HTR1F: variants seen among roughly 807,000 people sequenced by gnomAD.
HTR1F encodes 5-hydroxytryptamine (serotonin) receptor 1F, G protein-coupled.
A neutral mutation model predicts 24.0 loss-of-function variants in HTR1F; 17 were observed. The observed-to-expected ratio is 0.71, with a 90% CI of 0.48 to 1.06. HTR1F has a LOEUF of 1.06. Ranked by LOEUF, HTR1F falls within the 50% of genes least tolerant of loss-of-function variation. The pLI is 0.00. For synonymous variants in HTR1F, 186 were observed against 156.8 expected, an observed-to-expected ratio of 1.19 and a Z score of -1.39; for missense variants, 391 against 427.8, an observed-to-expected ratio of 0.91 and a Z score of 0.76.
At chr3:87,843,515 T>TC in intron 2 of HTR1F, among the ~76,000 whole-genome samples, 1 of 150,816 alleles carries the variant, frequency 6.6e-6, no homozygotes, top group African/African-American at 2.4e-5. Context: ...CTTTTTCTTT[T>TC]TTTTTTTTTA....
chr3:87,875,725 C>T (rs373300197), intron 2 of HTR1F, among the ~76,000 whole-genome samples: 25 of 151,818 alleles, frequency 1.6e-4, no homozygotes, highest in African/African-American at 5.6e-4. Context: ...GAGATTGAGA[C>T]CATCCTGGCT....
At chr3:87,857,679 T>G (rs1705225439) in intron 2 of HTR1F, among the ~76,000 whole-genome samples, 1 of 152,044 alleles carries the variant, frequency 6.6e-6, no homozygotes, top group Non-Finnish European at 1.5e-5. Context: ...CCTCCCCCAT[T>G]AGCAACATTC....
intron 2 of HTR1F, among the ~76,000 whole-genome samples, chr3:87,859,837 G>C (rs887936467): frequency 6.6e-6 from 1 of 152,170 alleles, no homozygotes. Context: ...CAGGTTGCAA[G>C]TCTAGTCCTC....
chr3:87,890,182 G>A (rs1223948677), intron 2 of HTR1F, among the ~76,000 whole-genome samples: 3 of 152,190 alleles, frequency 2.0e-5, no homozygotes, highest in Non-Finnish European at 4.4e-5. Context: ...TGAAGGGTTT[G>A]CTCTTTGTGT....
At chr3:87,918,630 C>T (rs1188683978) in intron 2 of HTR1F, among the ~76,000 whole-genome samples, 1 of 151,618 alleles carries the variant, frequency 6.6e-6, no homozygotes, top group African/African-American at 2.4e-5. Flanking sequence ...ACAATAGCTG[C>T]AAAAAACATA....
chr3:87,879,413 T>C (rs895426739), intron 2 of HTR1F, among the ~76,000 whole-genome samples: 9 of 152,198 alleles, frequency 5.9e-5, no homozygotes, highest in Admixed American at 2.0e-4. Flanking sequence ...TATTAACCCA[T>C]TACCCTCCAT....
intron 1 of HTR1F, among the ~76,000 whole-genome samples, chr3:87,800,815 A>G (rs1192816027): frequency 6.6e-6 from 1 of 152,190 alleles, no homozygotes; most frequent in Non-Finnish European, 1.5e-5. Flanking sequence ...GTTCATTGGT[A>G]CTCTGTCTAT....
intron 2 of HTR1F, among the ~76,000 whole-genome samples, chr3:87,861,642 GT>G (rs1705320699): frequency 6.6e-6 from 1 of 152,204 alleles, no homozygotes; most frequent in African/African-American, 2.4e-5. Flanking sequence ...TCTTGCTGAA[GT>G]TTGAGGCCTT....
chr3:87,912,614 T>G (rs949625370), intron 2 of HTR1F, among the ~76,000 whole-genome samples: 10 of 83,606 alleles, frequency 1.2e-4, no homozygotes, highest in African/African-American at 3.8e-4. Context: ...AAAGTCTGAA[T>G]AGCCCAGGCA....
intron 1 of HTR1F, among the ~76,000 whole-genome samples, chr3:87,820,246 G>C (rs1468145538): frequency 2.8e-5 from 4 of 144,740 alleles, no homozygotes; most frequent in Non-Finnish European, 4.5e-5. Flanking sequence ...GCAGGATCTC[G>C]GCTCACTGCA....
chr3:87,824,788 A>G (rs1704429760), intron 2 of HTR1F, among the ~76,000 whole-genome samples: 2 of 152,244 alleles, frequency 1.3e-5, no homozygotes, highest in South Asian at 4.1e-4. Flanking sequence ...CAAAGAGTCA[A>G]AAATTACCAA....
intron 1 of HTR1F, among the ~76,000 whole-genome samples, chr3:87,820,348 T>C (rs940899185): frequency 2.0e-5 from 3 of 151,616 alleles, no homozygotes; most frequent in Non-Finnish European, 2.9e-5. Context: ...GGCTAATTTT[T>C]TGTATTTTTA....
intron 2 of HTR1F, among the ~76,000 whole-genome samples, chr3:87,861,651 C>T (rs1705321008): frequency 6.6e-6 from 1 of 152,014 alleles, no homozygotes; most frequent in African/African-American, 2.4e-5. Flanking sequence ...AGTTTGAGGC[C>T]TTGGAGCTCA....
intron 2 of HTR1F, among the ~76,000 whole-genome samples, chr3:87,951,121 C>T (rs1322682175): frequency 1.3e-5 from 2 of 152,136 alleles, no homozygotes; most frequent in Admixed American, 6.6e-5. Flanking sequence ...ACCCTAACAA[C>T]TGTTTTACTC....
At chr3:87,956,043 T>C (rs1295831747) in intron 2 of HTR1F, among the ~76,000 whole-genome samples, 1 of 151,414 alleles carries the variant, frequency 6.6e-6, no homozygotes, top group Non-Finnish European at 1.5e-5. Flanking sequence ...AATCAGAAGC[T>C]TTATTACACT....
intron 2 of HTR1F, among the ~76,000 whole-genome samples, chr3:87,858,816 T>C (rs558121841): frequency 1.3e-5 from 2 of 152,324 alleles, no homozygotes; most frequent in South Asian, 4.1e-4. Context: ...AAATTGTTTC[T>C]AGTTCCTTTA....
chr3:87,979,584 T>C (rs1559656750), intron 2 of HTR1F, among the ~76,000 whole-genome samples: 1 of 152,054 alleles, frequency 6.6e-6, no homozygotes, highest in Admixed American at 6.6e-5. Context: ...GATCCTTAGG[T>C]TGTCACTTTT....
intron 2 of HTR1F, among the ~76,000 whole-genome samples, chr3:87,877,632 G>A (rs542447830): frequency 5.3e-5 from 8 of 152,202 alleles, no homozygotes; most frequent in Admixed American, 6.5e-5. Flanking sequence ...AGAACCTGAG[G>A]CTTCAAGGAT....
intron 2 of HTR1F, among the ~76,000 whole-genome samples, chr3:87,977,777 T>C (rs1260110631): frequency 6.6e-6 from 1 of 151,824 alleles, no homozygotes; most frequent in Non-Finnish European, 1.5e-5. Flanking sequence ...CACTATTATG[T>C]GGGGGAGTCA....
Sources: gnomAD v4.1 joint callset for allele counts (sites outside exome capture counted in the v4.1 genomes callset) on GRCh38, gnomAD v4.1.1 for gene constraint, MANE v1.5 for transcripts, NCBI Gene and HGNC (gene_info 2026-07-23, HGNC 2026-07-21) for gene names.